TMEM272: variants seen among roughly 807,000 people sequenced by gnomAD.
The protein encoded by TMEM272 is long intergenic non-protein coding RNA 282.
A neutral mutation model predicts 3.7 loss-of-function variants in TMEM272; 8 were observed. The ratio of observed to expected loss-of-function variants is 2.17; its 90% CI spans 1.27 to 3.91. The LOEUF (loss-of-function observed/expected upper bound fraction) is 3.91, where lower values mean the gene tolerates loss of function less well. Among genes scored for constraint, TMEM272 ranks in the 30% most tolerant of loss-of-function variants. The pLI is 0.00. For missense variants in TMEM272, 166 were observed against 91.5 expected (o/e 1.81, Z -3.32); for synonymous variants, 63 against 39.8 (o/e 1.58, Z -2.20).
intron 1 of TMEM272, among the ~76,000 whole-genome samples, chr13:51,844,488 T>C (rs1250841729): frequency 6.6e-6 from 1 of 152,244 alleles, no homozygotes; most frequent in Non-Finnish European, 1.5e-5. Flanking sequence ...TAACCTGTGC[T>C]GTTTTCTCTC....
the TMEM272 span, among the ~76,000 whole-genome samples, chr13:51,931,407 C>T: frequency 2.0e-5 from 3 of 151,096 alleles, no homozygotes; most frequent in Non-Finnish European, 2.9e-5. Flanking sequence ...CCAAACACCA[C>T]ATATTCTCAC....
the TMEM272 span, among the ~76,000 whole-genome samples, chr13:51,920,674 A>T: frequency 2.0e-5 from 3 of 152,010 alleles, no homozygotes; most frequent in Admixed American, 6.5e-5. Flanking sequence ...CCCACCTCTC[A>T]TCACTGCCTC....
At chr13:51,907,988 A>T in the TMEM272 span, among the ~76,000 whole-genome samples, 6 of 152,218 alleles carry the variant, frequency 3.9e-5, no homozygotes, top group Non-Finnish European at 7.3e-5. Flanking sequence ...ATAATAGTGG[A>T]TTAATCAAAT....
At chr13:51,881,946 G>A in the TMEM272 span, among the ~76,000 whole-genome samples, 1 of 152,204 alleles carries the variant, frequency 6.6e-6, no homozygotes, top group Non-Finnish European at 1.5e-5. Context: ...GTGTTGGTAA[G>A]GGTTGTGTGG....
the TMEM272 span, among the ~76,000 whole-genome samples, chr13:51,864,947 C>T: frequency 2.6e-5 from 4 of 152,314 alleles, no homozygotes; most frequent in South Asian, 4.1e-4. Context: ...GACATTCACA[C>T]GTGAGCATGC....
At chr13:51,913,528 G>T in the TMEM272 span, among the ~76,000 whole-genome samples, 1 of 152,192 alleles carries the variant, frequency 6.6e-6, no homozygotes, top group Non-Finnish European at 1.5e-5. Flanking sequence ...TCTTTTTCTG[G>T]ATTTGCAGCT....
At chr13:51,860,158 T>C in the TMEM272 span, among the ~76,000 whole-genome samples, 19 of 152,212 alleles carry the variant, frequency 1.2e-4, no homozygotes, top group African/African-American at 4.6e-4. Context: ...CTCCTCGGCC[T>C]CCCAAAGTGC....
chr13:51,849,963 C>T (rs1048747264), upstream of TMEM272, among the ~76,000 whole-genome samples: 1 of 152,106 alleles, frequency 6.6e-6, no homozygotes, highest in Non-Finnish European at 1.5e-5. Flanking sequence ...TGCCCGTGAC[C>T]GAGCACTTTA....
At chr13:51,914,479 G>A in the TMEM272 span, among the ~76,000 whole-genome samples, 6 of 152,224 alleles carry the variant, frequency 3.9e-5, no homozygotes, top group Non-Finnish European at 5.9e-5. Context: ...GCCAATTCAG[G>A]GACAGGGGAC....
chr13:51,897,486 T>C, the TMEM272 span, among the ~76,000 whole-genome samples: 1 of 148,260 alleles, frequency 6.7e-6, no homozygotes, highest in Non-Finnish European at 1.5e-5. Flanking sequence ...AGTGCTGGGA[T>C]TACAGGCATG....
the TMEM272 span, among the ~76,000 whole-genome samples, chr13:51,906,015 A>G: frequency 0.97 from 147,542 of 152,302 alleles, 71,481 homozygotes; most frequent in East Asian, 1. Flanking sequence ...GTACCCAGTG[A>G]TGACTTGGGG....
chr13:51,894,100 G>A, the TMEM272 span, among the ~76,000 whole-genome samples: 1 of 152,164 alleles, frequency 6.6e-6, no homozygotes, highest in African/African-American at 2.4e-5. Flanking sequence ...GAACTGCTTG[G>A]GGAACAAGTT....
the TMEM272 span, among the ~76,000 whole-genome samples, chr13:51,889,492 C>T: frequency 6.6e-6 from 1 of 152,182 alleles, no homozygotes; most frequent in Non-Finnish European, 1.5e-5. Flanking sequence ...GAGAAAGTGG[C>T]CATCTGCAAG....
chr13:51,816,698 C>T lies in TMEM272; in HGVS notation c.*53G>A, dbSNP rs756770368. ...GTGTGCGTCTGTGTGTCTGTGTGCACGCGCGTGCATGCACACGCATATGCA... is the reference window on the plus strand; with the variant it reads ...GTGTGCGTCTGTGTGTCTGTGTGCATGCGCGTGCATGCACACGCATATGCA... On this transcript the variant is annotated 3_prime_UTR_variant, in exon 5 of 5. Transcript: ENST00000629372. The T allele has an allele frequency of 2.8e-5, 18 of 649,366 alleles. No individual in the cohort carries two copies. Among genetic ancestry groups the T allele is most frequent in the East Asian group, 8.2e-5 (3 of 36,742 alleles). 40.2% of individuals were successfully genotyped at this position (649,366 alleles called of 1,614,324 possible). A position where few individuals can be genotyped will look rare whatever the true frequency, so the allele number is the denominator to read the frequency against.
chr13:51,921,436 T>A, the TMEM272 span: 1 of 152,238 alleles, frequency 6.6e-6, no homozygotes, highest in Non-Finnish European at 1.5e-5. Context: ...AGAAGGCTGC[T>A]CATCCCAGCC....
chr13:51,926,616 G>A, the TMEM272 span, among the ~76,000 whole-genome samples: 2 of 146,816 alleles, frequency 1.4e-5, no homozygotes, highest in Non-Finnish European at 3.0e-5. Context: ...TGGGGGTGGG[G>A]GGGGTGGGGC....
In TMEM272 at chr13:51,816,756, C is replaced by T. The variant is rs1956031102; in HGVS notation, c.559G>A (p.Asp187Asn). ...CSRWRLAADE[D>N] Reference sequence around the variant, plus strand: ...TATGCTGGACAAGGCAGCTGTCAGTCTTCATCGGCAGCAAGTCTCCACCTG... The same window carrying T: ...TATGCTGGACAAGGCAGCTGTCAGTTTTCATCGGCAGCAAGTCTCCACCTG... Residue 187 changes from aspartate to asparagine, a missense_variant, in exon 5 of 5, where the codon GAC becomes AAC. Asp to Asn is a conservative substitution (Grantham distance 23). Coordinates refer to ENST00000629372, the MANE Select transcript of TMEM272 (RefSeq NM_001351003.2). 2 of 697,534 alleles carry T rather than the reference C, an allele frequency of 2.9e-6. No individual in the cohort carries two copies. Among genetic ancestry groups the T allele is most frequent in the African/African-American group, 3.5e-5 (2 of 57,158 alleles). 43.2% of individuals were successfully genotyped at this position (697,534 alleles called of 1,614,324 possible). A position where few individuals can be genotyped will look rare whatever the true frequency, so the allele number is the denominator to read the frequency against.
the TMEM272 span, among the ~76,000 whole-genome samples, chr13:51,878,748 C>T: frequency 6.6e-6 from 1 of 152,160 alleles, no homozygotes; most frequent in Admixed American, 6.5e-5. Flanking sequence ...GAGGAATTTC[C>T]TTACAGCGTA....
At chr13:51,869,559 G>A in the TMEM272 span, among the ~76,000 whole-genome samples, 11 of 149,458 alleles carry the variant, frequency 7.4e-5, no homozygotes, top group Non-Finnish European at 1.0e-4. Flanking sequence ...GCACGATCTC[G>A]GCTCACTGCA....
Sources: gnomAD v4.1 joint callset for allele counts (sites outside exome capture counted in the v4.1 genomes callset) on GRCh38, gnomAD v4.1.1 for gene constraint, MANE v1.5 for transcripts, NCBI Gene and HGNC (gene_info 2026-07-23, HGNC 2026-07-21) for gene names.